IRAG2: variants seen among roughly 807,000 people sequenced by gnomAD.
The protein encoded by IRAG2 is inositol 1,4,5-triphosphate receptor associated 2.
IRAG2 carries 45 observed loss-of-function variants against 69.9 expected under a neutral mutation model. The observed-to-expected ratio is 0.64, with a 90% CI of 0.51 to 0.83. IRAG2 has a LOEUF of 0.83. Ranked by LOEUF, IRAG2 falls within the 40% of genes least tolerant of loss-of-function variation. The pLI, the probability that IRAG2 is intolerant of heterozygous loss-of-function variation, is 0.00. For missense variants in IRAG2, 520 were observed against 587.0 expected, an observed-to-expected ratio of 0.89 and a Z score of 1.18; for synonymous variants, 193 against 202.4, an observed-to-expected ratio of 0.95 and a Z score of 0.40.
chr12:25,023,678 C>T (rs1944600919), intron 7 of IRAG2, among the ~76,000 whole-genome samples: 2 of 152,160 alleles, frequency 1.3e-5, no homozygotes, highest in African/African-American at 4.8e-5. Context: ...AGGAGAATGA[C>T]TTCACTTAGA....
Position 25,079,431 on chromosome 12 carries a change from TTCA to T in IRAG2, c.108_110del (p.Ser37del). ...CCTCACTACCATTACCCAGACACAC[TTCA>T]TCGACAGACGGTACTATAACTTCAA... On this transcript the variant is annotated inframe_deletion, in exon 8 of 22. Coordinates refer to ENST00000556887, the MANE Select transcript of IRAG2 (RefSeq NM_001366544.2). 1.2e-6 allele frequency: 2 copies of T among 1,613,788 alleles called. No individual in the cohort carries two copies. The highest frequency in any genetic ancestry group is 1.7e-6 in the Non-Finnish European group (2 of 1,179,658).
intron 16 of IRAG2, among the ~76,000 whole-genome samples, chr12:25,041,292 T>C (rs1023007980): frequency 6.6e-6 from 1 of 152,148 alleles, no homozygotes; most frequent in Non-Finnish European, 1.5e-5. Context: ...TGGGATTTCA[T>C]TGAGTATGGT....
In IRAG2 at chr12:25,101,254, A is replaced by G; in HGVS notation, c.818A>G (p.His273Arg). The G allele has an allele frequency of 1.2e-6, 2 of 1,612,716 alleles. No individual in the cohort carries two copies. The highest frequency in any genetic ancestry group is 1.7e-6 in the Non-Finnish European group (2 of 1,179,064). Residue 273 changes from histidine (H) to arginine (R), a missense_variant, in exon 16 of 22, where the codon CAC (histidine) becomes CGC (arginine). Physicochemically the swap from His to Arg is conservative, Grantham distance 29 (BLOSUM62 0). Transcript: ENST00000556887. ...ENLKRMYAKE[H>R]AELEELKQVL... ...TTGAAGAGGATGTATGCCAAAGAGC[A>G]CGCTGAATTAGAAGAACTGAAACAG...
intron 2 of IRAG2, among the ~76,000 whole-genome samples, chr12:25,009,769 G>A (rs859145): frequency 0.13 from 19,217 of 150,392 alleles, 1,335 homozygotes; most frequent in Non-Finnish European, 0.16. Context: ...CTTGAAGCAA[G>A]GAAGAGCCAA....
chr12:25,057,003 T>C (rs929737338), intron 1 of IRAG2, among the ~76,000 whole-genome samples: 1 of 152,156 alleles, frequency 6.6e-6, no homozygotes, highest in Non-Finnish European at 1.5e-5. Context: ...GTGTTCACCT[T>C]GTTAGCCTCG....
chr12:25,102,284 A>T, intron 17 of IRAG2, 43 bp downstream of exon 17: 1 of 1,503,040 alleles, frequency 6.7e-7, no homozygotes, highest in Non-Finnish European at 9.2e-7. Context: ...AAATACTATA[A>T]GACGGTTTTA....
chr12:25,075,083 G>A (rs928331592), intron 6 of IRAG2, among the ~76,000 whole-genome samples: 8 of 152,078 alleles, frequency 5.3e-5, no homozygotes, highest in African/African-American at 9.7e-5. Flanking sequence ...CTGAGGGTGT[G>A]GTATACCTTT....
At position 25,065,590 on chromosome 12, in the gene IRAG2, T is replaced by C. The variant is rs61914769; in HGVS notation, c.-206-775T>C. Among the ~76,000 whole-genome samples the C allele has an allele frequency of 8.3e-3, 1,265 of 152,370 alleles. 7 individuals carry two copies. Among genetic ancestry groups the C allele is most frequent in the Non-Finnish European group, 0.014 (946 of 68,024 alleles). ...GTAAAAGACCCGATAGTAAATATTTTAGTTTCTGCTGTAACTACTCAACTT... is the reference window on the plus strand; with the variant it reads ...GTAAAAGACCCGATAGTAAATATTTCAGTTTCTGCTGTAACTACTCAACTT... On this transcript the variant is annotated intron_variant, in intron 4 of 21. Coordinates refer to ENST00000556887, the MANE Select transcript of IRAG2 (RefSeq NM_001366544.2).
chr12:25,105,192 T>G (rs1408994917), intron 20 of IRAG2, among the ~76,000 whole-genome samples: 1 of 150,482 alleles, frequency 6.6e-6, no homozygotes, highest in Non-Finnish European at 1.5e-5. Context: ...TTCTCCTGGC[T>G]CAGCCTCCCA....
chr12:25,069,609 A>G (rs1946196739), intron 6 of IRAG2, among the ~76,000 whole-genome samples, 178 bp downstream of exon 6: 1 of 152,230 alleles, frequency 6.6e-6, no homozygotes, highest in Admixed American at 6.5e-5. Flanking sequence ...CTTTGAAGTC[A>G]AGAAATTAAA....
At chr12:25,068,545 G>A (rs2140017999) in intron 5 of IRAG2, among the ~76,000 whole-genome samples, 1 of 152,186 alleles carries the variant, frequency 6.6e-6, no homozygotes, top group East Asian at 1.9e-4. Context: ...TGGCAGGGTG[G>A]AGTTGAAAGT....
chr12:25,074,672 A>G (rs530950028), intron 6 of IRAG2, among the ~76,000 whole-genome samples: 4 of 152,340 alleles, frequency 2.6e-5, no homozygotes, highest in African/African-American at 9.6e-5. Context: ...CAGAATCAGA[A>G]TTATCAGCAG....
At chr12:25,049,168 C>T (rs780144969), upstream of IRAG2, among the ~76,000 whole-genome samples, 3 of 152,126 alleles carry the variant, frequency 2.0e-5, no homozygotes, top group Non-Finnish European at 2.9e-5. Flanking sequence ...AGTTTAAAGT[C>T]GGGTAGCGTG....
chr12:25,077,726 GAA>G (rs370629959), intron 6 of IRAG2, among the ~76,000 whole-genome samples: 1 of 152,142 alleles, frequency 6.6e-6, no homozygotes, highest in African/African-American at 2.4e-5. Flanking sequence ...GGCTTTGGAT[GAA>G]AGTTTGTTGA....
Position 25,107,824 on chromosome 12 carries a change from A to T in IRAG2, c.1264A>T (p.Thr422Ser). The change falls in exon 22 of 22, where the codon ACA becomes TCA. Residue 422 changes from threonine to serine, a missense_variant. Transcript: ENST00000556887. ...TTTGTGTTTTCCTTATAGTTATGAC[A>T]CAATAGCTTCCTGGGCAACAAATCT... ...SKWDVSSVYD[T>S]IASWATNLKS... is the part of the protein sequence containing the mutation. The T allele has an allele frequency of 6.2e-7, 1 of 1,613,292 alleles. No individual in the cohort carries two copies. The highest frequency in any genetic ancestry group is 8.5e-7 in the Non-Finnish European group (1 of 1,179,200).
At chr12:25,078,674 A>G (rs925129200) in intron 6 of IRAG2, among the ~76,000 whole-genome samples, 1 of 152,248 alleles carries the variant, frequency 6.6e-6, no homozygotes, top group Admixed American at 6.5e-5. Context: ...AGGTTCATAG[A>G]AACTTTCAAA....
At chr12:25,018,563 T>C (rs1436810454) in intron 6 of IRAG2, among the ~76,000 whole-genome samples, 3 of 152,132 alleles carry the variant, frequency 2.0e-5, no homozygotes, top group Non-Finnish European at 4.4e-5. Context: ...TCCAGTCCAG[T>C]CTCCAAACTA....
At chr12:25,065,685 CTT>C (rs909208148) in intron 4 of IRAG2, among the ~76,000 whole-genome samples, 19 of 152,260 alleles carry the variant, frequency 1.2e-4, no homozygotes, top group African/African-American at 4.6e-4. Context: ...TCCAGTAAAA[CTT>C]TATTTATTTT....
chr12:25,004,384 G>A, exon 1 of IRAG2: 1 of 1,232,156 alleles, frequency 8.1e-7, no homozygotes, highest in Non-Finnish European at 1.0e-6. Flanking sequence ...GCATAACCCA[G>A]TGGAAAGCAT....
Sources: gnomAD v4.1 joint callset for allele counts (sites outside exome capture counted in the v4.1 genomes callset) on GRCh38, gnomAD v4.1.1 for gene constraint, MANE v1.5 for transcripts, NCBI Gene and HGNC (gene_info 2026-07-23, HGNC 2026-07-21) for gene names.